TBCA: variants seen among roughly 807,000 people sequenced by gnomAD.
TBCA encodes the protein tubulin-specific chaperone A.
A neutral mutation model predicts 15.8 loss-of-function variants in TBCA; 6 were observed. The ratio of observed to expected loss-of-function variants is 0.38; its 90% CI spans 0.21 to 0.75. The LOEUF (loss-of-function observed/expected upper bound fraction) is 0.75, where lower values mean the gene tolerates loss of function less well. Among genes scored for constraint, TBCA ranks in the 30% least tolerant of loss-of-function variants. TBCA has a pLI of 0.46. For missense variants in TBCA, 90 were observed against 131.2 expected (o/e 0.69, Z 1.53); for synonymous variants, 32 against 42.3 (o/e 0.76, Z 0.94).
intron 1 of TBCA, among the ~76,000 whole-genome samples, chr5:77,755,872 C>T (rs924582941): frequency 9.3e-5 from 14 of 151,306 alleles, no homozygotes; most frequent in African/African-American, 2.9e-4. Flanking sequence ...GGAGTGGTGG[C>T]GCATGCCTGT....
chr5:77,768,799 T>C (rs1747841139), intron 1 of TBCA, among the ~76,000 whole-genome samples: 2 of 152,234 alleles, frequency 1.3e-5, no homozygotes, highest in Admixed American at 1.3e-4. Context: ...TATTCTTTTA[T>C]AAAGGTATTA....
In TBCA at chr5:77,708,631, G is replaced by A. The variant is rs141928030; in HGVS notation, c.54-284C>T. The A allele has an allele frequency of 9.8e-5, 17 of 173,304 alleles. No individual in the cohort carries two copies. The East Asian group carries it at 2.6e-3, about 27-fold the overall frequency. 10.7% of individuals were successfully genotyped at this position (173,304 alleles called of 1,614,324 possible). ...GTCTCCCAGGCTGGAGTGCAGTGGC[G>A]AGATCTTGGCTCACTGCAAGCTCTG... On this transcript the variant is annotated intron_variant, in intron 1 of 3. Coordinates refer to ENST00000380377, the MANE Select transcript of TBCA (RefSeq NM_004607.3).
At chr5:77,715,983 T>C in intron 1 of TBCA, among the ~76,000 whole-genome samples, 1 of 152,154 alleles carries the variant, frequency 6.6e-6, no homozygotes, top group South Asian at 2.1e-4. Context: ...ATTTGTGTTG[T>C]GTGAGGGATT....
intron 1 of TBCA, among the ~76,000 whole-genome samples, chr5:77,719,682 A>G (rs1222959989): frequency 6.6e-6 from 1 of 152,238 alleles, no homozygotes. Flanking sequence ...TAAAATCAGT[A>G]TCACTTTTTT....
intron 1 of TBCA, among the ~76,000 whole-genome samples, chr5:77,721,245 G>T (rs1369280857): frequency 6.6e-6 from 1 of 152,002 alleles, no homozygotes. Context: ...AGAAAATTTG[G>T]GAACAGAATC....
chr5:77,747,447 C>T (rs1009946832), intron 1 of TBCA, among the ~76,000 whole-genome samples: 3 of 152,052 alleles, frequency 2.0e-5, no homozygotes, highest in Non-Finnish European at 2.9e-5. Context: ...GAGCAGTTAG[C>T]GTTCCTAAAA....
intron 1 of TBCA, among the ~76,000 whole-genome samples, chr5:77,722,961 C>A (rs1746558288): frequency 6.6e-6 from 1 of 151,636 alleles, no homozygotes; most frequent in Admixed American, 6.6e-5. Flanking sequence ...CAACAAGGAA[C>A]ATTATAACTG....
At chr5:77,774,967 T>C (rs1339838975) in intron 1 of TBCA, among the ~76,000 whole-genome samples, 46 of 120,820 alleles carry the variant, frequency 3.8e-4, no homozygotes, top group Non-Finnish European at 6.9e-4. Context: ...CTGAATAAGA[T>C]AGCTACAAAG....
In TBCA at chr5:77,705,020, A is replaced by G. The variant is rs191130607; in HGVS notation, c.159+3222T>C. Among the ~76,000 whole-genome samples, 243 of 152,348 alleles carry G rather than the reference A, an allele frequency of 1.6e-3. 2 individuals are homozygous for G. The highest frequency in any genetic ancestry group is 2.9e-3 in the Non-Finnish European group (196 of 68,036). ...TTTTACATCTGTGTATGTAGTCAGTAATGTAACTAGTGTGTGGCTGGTATT... is the reference window on the plus strand; with the variant it reads ...TTTTACATCTGTGTATGTAGTCAGTGATGTAACTAGTGTGTGGCTGGTATT... On this transcript the variant is annotated intron_variant, in intron 2 of 3. Coordinates refer to ENST00000380377, the MANE Select transcript of TBCA (RefSeq NM_004607.3).
At chr5:77,752,644 C>G (rs1386991033) in intron 1 of TBCA, among the ~76,000 whole-genome samples, 2 of 96,500 alleles carry the variant, frequency 2.1e-5, no homozygotes, top group Non-Finnish European at 2.3e-5. Flanking sequence ...CTGCAAGCTC[C>G]GCTTCCCGGG....
intron 1 of TBCA, among the ~76,000 whole-genome samples, chr5:77,763,296 A>AT (rs1451729962): frequency 5.3e-5 from 8 of 152,150 alleles, no homozygotes; most frequent in Admixed American, 4.6e-4. Flanking sequence ...AAGCAAAACA[A>AT]TTTTTTTCCA....
chr5:77,771,839 AG>A (rs1229258006), intron 1 of TBCA, among the ~76,000 whole-genome samples: 2 of 152,210 alleles, frequency 1.3e-5, no homozygotes, highest in African/African-American at 4.8e-5. Context: ...CACCCTTTCT[AG>A]TATAGCCTAC....
chr5:77,729,928 GTTTAC>G (rs1746726485), intron 1 of TBCA, among the ~76,000 whole-genome samples: 1 of 152,122 alleles, frequency 6.6e-6, no homozygotes, highest in Admixed American at 6.6e-5. Context: ...CAAGTGTTGA[GTTTAC>G]TTTATCCTGA....
intron 1 of TBCA, among the ~76,000 whole-genome samples, chr5:77,712,062 AG>A (rs1746290246): frequency 6.6e-6 from 1 of 152,184 alleles, no homozygotes; most frequent in South Asian, 2.1e-4. Context: ...ATGCGGTATG[AG>A]AAATAATAAA....
At chr5:77,755,536 C>T (rs777182743) in intron 1 of TBCA, among the ~76,000 whole-genome samples, 5 of 151,780 alleles carry the variant, frequency 3.3e-5, no homozygotes, top group African/African-American at 4.8e-5. Context: ...GATCATGACA[C>T]TGCACTCCAG....
At chr5:77,697,356 C>T (rs1016807584) in intron 2 of TBCA, among the ~76,000 whole-genome samples, 1 of 152,074 alleles carries the variant, frequency 6.6e-6, no homozygotes, top group Non-Finnish European at 1.5e-5. Context: ...CTGAAGTAAG[C>T]CACATTCTGG....
At chr5:77,735,656 T>C (rs1746883306) in intron 1 of TBCA, among the ~76,000 whole-genome samples, 1 of 152,198 alleles carries the variant, frequency 6.6e-6, no homozygotes, top group South Asian at 2.1e-4. Flanking sequence ...GAAAATTAGA[T>C]ATTCGTTTCT....
rs150036826 is a variant in TBCA, at chr5:77,704,007, T to C, written c.159+4235A>G. ...TCTCTCTCTCTCTCCTGCCGCCTTG[T>C]GAAGAAGGTGCTTGCTTCCCCTTCA... On this transcript the variant is annotated intron_variant, in intron 2 of 3. Transcript: ENST00000380377. Among the ~76,000 whole-genome samples, 275 of 152,288 alleles carry C rather than the reference T, an allele frequency of 1.8e-3. 1 individual carries two copies. Among genetic ancestry groups the C allele is most frequent in the Middle Eastern group, 3.4e-3 (1 of 294 alleles).
At chr5:77,739,492 G>A (rs1022361329) in intron 1 of TBCA, among the ~76,000 whole-genome samples, 1 of 152,156 alleles carries the variant, frequency 6.6e-6, no homozygotes, top group African/African-American at 2.4e-5. Flanking sequence ...TTGCTCTATA[G>A]AGAAGGCCAA....
Sources: gnomAD v4.1 joint callset for allele counts (sites outside exome capture counted in the v4.1 genomes callset) on GRCh38, gnomAD v4.1.1 for gene constraint, MANE v1.5 for transcripts, NCBI Gene and HGNC (gene_info 2026-07-23, HGNC 2026-07-21) for gene names.